Variants in UBE2G1 observed in about 807,000 individuals in gnomAD.
The protein encoded by UBE2G1 is ubiquitin-conjugating enzyme E2 G1.
Under a neutral mutation model 22.7 loss-of-function variants are expected in UBE2G1, and 5 were observed. That is an observed-to-expected ratio of 0.22 (90% CI 0.12 to 0.46). UBE2G1 has a LOEUF of 0.46. UBE2G1 is among the 20% of genes least tolerant of loss of function. The pLI is 0.99. For missense variants in UBE2G1, 88 were observed against 203.9 expected, an observed-to-expected ratio of 0.43 and a Z score of 3.46; for synonymous variants, 74 against 67.5, an observed-to-expected ratio of 1.10 and a Z score of -0.47.
At chr17:4,339,277 C>T (rs1969684088) in intron 1 of UBE2G1, among the ~76,000 whole-genome samples, 1 of 151,202 alleles carries the variant, frequency 6.6e-6, no homozygotes, top group Non-Finnish European at 1.5e-5. Context: ...GCTGGAGCCT[C>T]AATGTGTGGG....
rs144393865 is a variant in UBE2G1 at position 4,283,486 on chromosome 17, C to T, written c.427-565G>A. ...CTGCACTGCAGCCTGGACGACAGAG[C>T]GAGACTCCATCTCAAAAAAAGACAT... On this transcript the variant is annotated intron_variant, in intron 4 of 5. Coordinates refer to ENST00000396981, the MANE Select transcript of UBE2G1 (RefSeq NM_003342.5). Among the ~76,000 whole-genome samples the T allele has an allele frequency of 2.9e-3, 442 of 151,988 alleles. 1 individual carries two copies. The highest frequency in any genetic ancestry group is 1.0e-2 in the African/African-American group (414 of 41,466).
chr17:4,285,463 C>T (rs924471080), intron 4 of UBE2G1, among the ~76,000 whole-genome samples: 2 of 152,130 alleles, frequency 1.3e-5, no homozygotes, highest in African/African-American at 4.8e-5. Context: ...AAAATAAAAG[C>T]ACCTTACATC....
At chr17:4,337,670 A>G (rs1598199190) in intron 1 of UBE2G1, among the ~76,000 whole-genome samples, 1 of 151,874 alleles carries the variant, frequency 6.6e-6, no homozygotes, top group Non-Finnish European at 1.5e-5. Flanking sequence ...AAAAAAAGAA[A>G]AGAAAAAATA....
chr17:4,297,981 C>T (rs888657188), intron 2 of UBE2G1, among the ~76,000 whole-genome samples: 4 of 152,082 alleles, frequency 2.6e-5, no homozygotes, highest in Admixed American at 6.6e-5. Flanking sequence ...CATTGGTCTA[C>T]GTAAAAGGAT....
chr17:4,306,041 T>C (rs1969245722), intron 2 of UBE2G1, among the ~76,000 whole-genome samples: 1 of 152,216 alleles, frequency 6.6e-6, no homozygotes, highest in South Asian at 2.1e-4. Context: ...TAACAATTAA[T>C]AGTCAGTTAA....
chr17:4,355,519 G>A (rs898795544), intron 1 of UBE2G1, among the ~76,000 whole-genome samples: 2 of 148,430 alleles, frequency 1.3e-5, no homozygotes, highest in East Asian at 2.2e-4. Flanking sequence ...GCACACGCCT[G>A]TAGTCCCAGC....
At chr17:4,347,469 C>CTTTTTT (rs34014821) in intron 1 of UBE2G1, among the ~76,000 whole-genome samples, 1,049 of 89,454 alleles carry the variant, frequency 0.012, 61 homozygotes, top group African/African-American at 0.028. Flanking sequence ...AGTATTTCTT[C>CTTTTTT]TTTTTTTTTT....
At chr17:4,281,517 A>G (rs941094816) in intron 5 of UBE2G1, among the ~76,000 whole-genome samples, 5 of 152,158 alleles carry the variant, frequency 3.3e-5, no homozygotes, top group Non-Finnish European at 7.3e-5. Context: ...CAGACAGTGT[A>G]TTTCGGTTTC....
At chr17:4,298,938 G>C (rs1183778227) in intron 2 of UBE2G1, among the ~76,000 whole-genome samples, 1 of 152,196 alleles carries the variant, frequency 6.6e-6, no homozygotes, top group Non-Finnish European at 1.5e-5. Flanking sequence ...GTTGTGAAGA[G>C]TGCATTACAC....
At chr17:4,297,352 T>C (rs75932023) in intron 2 of UBE2G1, among the ~76,000 whole-genome samples, 2,870 of 152,260 alleles carry the variant, frequency 0.019, 51 homozygotes, top group Non-Finnish European at 0.029. Flanking sequence ...TCCAGGGGTA[T>C]AGCAGCAAAA....
At chr17:4,274,106 G>A (rs1048251969) in intron 5 of UBE2G1, among the ~76,000 whole-genome samples, 2 of 150,368 alleles carry the variant, frequency 1.3e-5, no homozygotes, top group African/African-American at 2.5e-5. Flanking sequence ...TCAGCCTCCC[G>A]AGTAGCTGGA....
At chr17:4,277,219 G>A (rs1481032060) in intron 5 of UBE2G1, among the ~76,000 whole-genome samples, 2 of 152,192 alleles carry the variant, frequency 1.3e-5, no homozygotes, top group Non-Finnish European at 2.9e-5. Flanking sequence ...AGTCGTGCCT[G>A]GAACCAGATG....
At chr17:4,341,957 T>C (rs1428494140) in intron 1 of UBE2G1, among the ~76,000 whole-genome samples, 3 of 152,228 alleles carry the variant, frequency 2.0e-5, no homozygotes, top group Non-Finnish European at 4.4e-5. Flanking sequence ...ATCTGGCTTC[T>C]TAATGCCAGT....
At chr17:4,332,462 G>A (rs1200811977) in intron 1 of UBE2G1, among the ~76,000 whole-genome samples, 2 of 152,154 alleles carry the variant, frequency 1.3e-5, no homozygotes, top group African/African-American at 4.8e-5. Flanking sequence ...AACCCAGCAG[G>A]CAGAAGTAAT....
chr17:4,338,444 C>T (rs922620868), intron 1 of UBE2G1, among the ~76,000 whole-genome samples: 2 of 152,052 alleles, frequency 1.3e-5, no homozygotes, highest in African/African-American at 4.8e-5. Context: ...CAATAACTTC[C>T]GAAGATTCGC....
At chr17:4,366,028 C>T (rs868457682) in intron 1 of UBE2G1, among the ~76,000 whole-genome samples, 1 of 152,028 alleles carries the variant, frequency 6.6e-6, no homozygotes, top group African/African-American at 2.4e-5. Context: ...TCCTCCTCTC[C>T]GACCCCCCGG....
At chr17:4,301,232 TAGTC>T (rs1469490461) in intron 2 of UBE2G1, 4 of 351,002 alleles carry the variant, frequency 1.1e-5, no homozygotes, top group Admixed American at 3.9e-5. Flanking sequence ...TATTCTATGA[TAGTC>T]AGAATCACAT....
At chr17:4,314,618 A>C (rs901661023) in intron 1 of UBE2G1, among the ~76,000 whole-genome samples, 9 of 152,320 alleles carry the variant, frequency 5.9e-5, no homozygotes, top group African/African-American at 1.7e-4. Context: ...TCTCTATAAA[A>C]ATACTCCAGC....
intron 2 of UBE2G1, among the ~76,000 whole-genome samples, chr17:4,306,716 G>A (rs1461580815): frequency 6.0e-5 from 9 of 151,212 alleles, no homozygotes; most frequent in Non-Finnish European, 1.0e-4. Context: ...CAATGGCGTG[G>A]TCTCAGCTCA....
Sources: allele counts gnomAD v4.1 joint callset (sites outside exome capture counted in the v4.1 genomes callset), GRCh38; gene constraint gnomAD v4.1.1; transcripts MANE v1.5; gene names NCBI Gene and HGNC (gene_info 2026-07-23, HGNC 2026-07-21).